The following ARID1B variants were observed in gnomAD, a reference collection of about 807,000 sequenced individuals.
ARID1B encodes AT-rich interactive domain-containing protein 1B.
In ARID1B, 30 loss-of-function variants were observed where a neutral mutation model predicts 212.3. That is an observed-to-expected ratio of 0.14 (90% CI 0.11 to 0.19). The LOEUF (loss-of-function observed/expected upper bound fraction) is 0.19. ARID1B is among the 10% of genes least tolerant of loss of function. The pLI, the probability that ARID1B is intolerant of heterozygous loss-of-function variation, is 1.00. For synonymous variants in ARID1B, 1,402 were observed against 1,301.7 expected (o/e 1.08, Z -1.66); for missense variants, 2,891 against 3,204.0 (o/e 0.90, Z 2.36).
At chr6:157,175,036 T>C (rs369822932) in intron 11 of ARID1B, 31 bp downstream of exon 11, 25 of 1,345,462 alleles carry the variant, frequency 1.9e-5, no homozygotes, top group Admixed American at 5.9e-5. Context: ...TTTGTTTTTT[T>C]TGTTTTTTGT....
Position 156,778,920 on chromosome 6 carries a change from G to C in ARID1B, c.1240G>C (p.Ala414Pro), listed in dbSNP as rs1276056184. Residue 414 changes from alanine (A) to proline (P), a missense_variant, in exon 1 of 20, where the codon GCA (alanine) becomes CCA (proline). Around this residue, in one of 7 missense-constraint regions of ARID1B, gnomAD observed 1,643 missense variants for 1,544.0 expected, o/e 1.06. Coordinates refer to ENST00000636930, the MANE Select transcript of ARID1B (RefSeq NM_001374828.1). ...GGGGGGGGAG[A>P]GGAGAGAVAA... ...AGGAGGAGGAGGAGGAGGAGCAGGA[G>C]CAGGAGGAGCAGGAGCGGGAGCTGT... The C allele has an allele frequency of 1.5e-6, 2 of 1,318,174 alleles. No homozygotes were observed. The highest frequency in any genetic ancestry group is 4.1e-5 in the Admixed American group (1 of 24,332). The allele number at this position is 1,318,174 out of a possible 1,614,324, so 81.7% of individuals were successfully genotyped here.
chr6:157,000,756 C>T (rs1002076567), intron 4 of ARID1B, among the ~76,000 whole-genome samples: 5 of 139,446 alleles, frequency 3.6e-5, no homozygotes, highest in South Asian at 4.5e-4. Flanking sequence ...TGCAGGGGTG[C>T]GTTCTCGGCT....
chr6:156,918,595 C>T (rs920740640), intron 3 of ARID1B, among the ~76,000 whole-genome samples: 1 of 152,212 alleles, frequency 6.6e-6, no homozygotes, highest in Non-Finnish European at 1.5e-5. Context: ...CTTCTTGCTA[C>T]AGTTGTCTCA....
At chr6:156,844,416 G>T (rs1319893487) in intron 2 of ARID1B, among the ~76,000 whole-genome samples, 1 of 152,168 alleles carries the variant, frequency 6.6e-6, no homozygotes, top group Non-Finnish European at 1.5e-5. Context: ...TTTAAAATTG[G>T]TATATGATTT....
chr6:157,038,238 G>A (rs1046889316), intron 4 of ARID1B, among the ~76,000 whole-genome samples: 4 of 152,154 alleles, frequency 2.6e-5, no homozygotes, highest in African/African-American at 9.7e-5. Context: ...TGGGAGGATA[G>A]GAAGGTTGGT....
intron 4 of ARID1B, among the ~76,000 whole-genome samples, chr6:156,953,508 A>C (rs1583020588): frequency 6.6e-6 from 1 of 152,250 alleles, no homozygotes; most frequent in East Asian, 1.9e-4. Flanking sequence ...TTTTAAAAAA[A>C]GAAAAAAATC....
intron 2 of ARID1B, among the ~76,000 whole-genome samples, chr6:156,860,057 AGTTT>A (rs758250290): frequency 6.6e-6 from 1 of 152,216 alleles, no homozygotes; most frequent in Non-Finnish European, 1.5e-5. Flanking sequence ...CTGCTCAGTC[AGTTT>A]GTTAGTGGAT....
Position 157,204,037 on chromosome 6 carries a change from G to A in ARID1B, c.5394+41G>A, listed in dbSNP as rs113345866. 1.7e-5 allele frequency: 27 copies of A among 1,611,660 alleles called. 1 individual carries two copies. The highest frequency in any genetic ancestry group is 3.3e-4 in the Middle Eastern group (2 of 6,056). ...CCAACTAACAACCAAATTAGGATAG[G>A]AGAGCATCAGGCCATGCACATTTGT... On this transcript the variant is annotated intron_variant, in intron 19 of 19. Transcript: ENST00000636930.
rs569228729 is a variant in ARID1B at position 157,014,719 on chromosome 6, A to C, written c.2248-69943A>C. 1.1e-4 allele frequency among the ~76,000 whole-genome samples: 16 copies of C among 152,340 alleles called. No homozygotes were observed. In the South Asian group the frequency reaches 3.1e-3, roughly 30 times the overall value. ...GTTTTGATAGAAGGGTGATCATCTG[A>C]ATTCCAAATTTGAGGAATACAATAG... On this transcript the variant is annotated intron_variant, in intron 4 of 19. Transcript: ENST00000636930.
intron 4 of ARID1B, among the ~76,000 whole-genome samples, chr6:156,998,212 CTTTTTT>C (rs569837054): frequency 7.3e-6 from 1 of 137,664 alleles, no homozygotes; most frequent in Admixed American, 7.3e-5. Flanking sequence ...ATCTCTCTCT[CTTTTTT>C]TTTTTTTTTT....
intron 4 of ARID1B, among the ~76,000 whole-genome samples, chr6:157,066,179 A>C (rs1223801401): frequency 6.6e-6 from 1 of 152,240 alleles, no homozygotes; most frequent in Non-Finnish European, 1.5e-5. Context: ...TTATTCAAGG[A>C]GTTTCTGTCA....
At chr6:156,903,750 A>C (rs1789135369) in intron 3 of ARID1B, among the ~76,000 whole-genome samples, 1 of 152,240 alleles carries the variant, frequency 6.6e-6, no homozygotes, top group African/African-American at 2.4e-5. Flanking sequence ...AAACTTAAGA[A>C]GCTCAACCAT....
intron 4 of ARID1B, among the ~76,000 whole-genome samples, chr6:156,982,167 T>C (rs1194960414): frequency 6.6e-6 from 1 of 152,172 alleles, no homozygotes; most frequent in Admixed American, 6.5e-5. Context: ...AGACCTTGCA[T>C]GTTTCAAAAC....
intron 15 of ARID1B, among the ~76,000 whole-genome samples, chr6:157,193,052 T>G (rs1276014256): frequency 6.6e-6 from 1 of 152,220 alleles, no homozygotes; most frequent in Non-Finnish European, 1.5e-5. Flanking sequence ...TTCACCGGCC[T>G]GCCTTCCCTG....
intron 4 of ARID1B, among the ~76,000 whole-genome samples, chr6:157,060,656 T>TA (rs1554290860): frequency 7.3e-6 from 1 of 136,632 alleles, no homozygotes; most frequent in Non-Finnish European, 1.6e-5. Flanking sequence ...TTTTTTTTTT[T>TA]ACTATTCTTT....
chr6:157,112,759 C>A (rs1787014451), intron 6 of ARID1B, among the ~76,000 whole-genome samples: 1 of 152,102 alleles, frequency 6.6e-6, no homozygotes, highest in Non-Finnish European at 1.5e-5. Flanking sequence ...TTAAATTGAT[C>A]CACTTTCAAG....
Position 156,779,160 on chromosome 6 carries a change from C to T in ARID1B, c.1480C>T (p.His494Tyr), listed in dbSNP as rs2114997559. 7.6e-7 allele frequency: 1 copy of T among 1,323,780 alleles called. No individual in the cohort carries two copies. Among genetic ancestry groups the T allele is most frequent in the Non-Finnish European group, 9.7e-7 (1 of 1,031,040 alleles). 82.0% of individuals were successfully genotyped at this position (1,323,780 alleles called of 1,614,324 possible). A position where few individuals can be genotyped will look rare whatever the true frequency, so the allele number is the denominator to read the frequency against. Residue 494 changes from histidine to tyrosine, a missense_variant, in exon 1 of 20, where the codon CAC (histidine) becomes TAC (tyrosine). By Grantham distance (83) the His-to-Tyr change is moderately conservative. Transcript: ENST00000636930. ...GFQRFAGQNQ[H>Y]PSGATPTLNQ... ...CCAGCGCTTCGCCGGCCAGAACCAG[C>T]ACCCGTCGGGGGCCACCCCGACCCT...
intron 11 of ARID1B, among the ~76,000 whole-genome samples, 161 bp from the exon 12 acceptor site, chr6:157,180,808 G>A (rs1476241073): frequency 6.6e-6 from 1 of 152,162 alleles, no homozygotes; most frequent in Non-Finnish European, 1.5e-5. Context: ...TGTATAGTTT[G>A]TGCCTGAACT....
chr6:156,918,943 T>C lies in ARID1B; in HGVS notation c.2137-16523T>C, dbSNP rs10485204. Reference sequence around the variant, plus strand: ...GTAAAAGCTCAGCACTCGTTTTGAATATAGGTGTAATTTGCTGCGTTAACA... The same window carrying C: ...GTAAAAGCTCAGCACTCGTTTTGAACATAGGTGTAATTTGCTGCGTTAACA... On this transcript the variant is annotated intron_variant, in intron 3 of 19. Transcript: ENST00000636930. 8.0e-3 allele frequency among the ~76,000 whole-genome samples: 1,222 copies of C among 152,308 alleles called. 16 individuals carry two copies. The highest frequency in any genetic ancestry group is 0.028 in the African/African-American group (1,156 of 41,554).
Sources: allele counts gnomAD v4.1 joint callset (sites outside exome capture counted in the v4.1 genomes callset), GRCh38; gene constraint gnomAD v4.1.1; regional missense constraint gnomAD v4.1.1; transcripts MANE v1.5; gene names NCBI Gene and HGNC (gene_info 2026-07-23, HGNC 2026-07-21).